The following RRM2 variants were observed in gnomAD, a reference collection of about 807,000 sequenced individuals.
The protein encoded by RRM2 is ribonucleotide reductase regulatory subunit M2.
In RRM2, 6 loss-of-function variants were observed where a neutral mutation model predicts 45.9. The observed-to-expected ratio is 0.13, with a 90% CI of 0.07 to 0.26. The LOEUF is 0.26. Ranked by LOEUF, RRM2 falls within the 10% of genes least tolerant of loss-of-function variation. The probability of loss-of-function intolerance (pLI) is 1.00; values close to 1 mark genes in which losing one functional copy is unlikely to be tolerated. For synonymous variants in RRM2, 177 were observed against 173.0 expected (o/e 1.02, Z -0.18); for missense variants, 343 against 489.5 (o/e 0.70, Z 2.82).
chr2:10,150,521 T>TC (rs1663285876), intron 3 of RRM2, among the ~76,000 whole-genome samples: 1 of 151,342 alleles, frequency 6.6e-6, no homozygotes, highest in South Asian at 2.1e-4. Context: ...TTTTTTTTTT[T>TC]CGACTTTATT....
chr2:10,128,983 G>A, intron 8 of RRM2, 31 bp downstream of exon 8: 2 of 1,609,628 alleles, frequency 1.2e-6, no homozygotes, highest in Non-Finnish European at 1.7e-6. Flanking sequence ...GGTCACTCAA[G>A]CTTGCTAGAA....
intron 3 of RRM2, among the ~76,000 whole-genome samples, chr2:10,189,849 GGC>G (rs1230372738): frequency 2.0e-5 from 3 of 152,238 alleles, no homozygotes; most frequent in Non-Finnish European, 2.9e-5. Flanking sequence ...TCCAGTTCCT[GGC>G]CCAGAGCCTG....
chr2:10,166,831 G>C (rs890097042), intron 3 of RRM2, among the ~76,000 whole-genome samples: 1 of 152,246 alleles, frequency 6.6e-6, no homozygotes, highest in African/African-American at 2.4e-5. Context: ...AAGCATGAGC[G>C]TGTCTAGATG....
intron 3 of RRM2, among the ~76,000 whole-genome samples, chr2:10,190,083 GT>G: frequency 6.6e-6 from 1 of 150,650 alleles, no homozygotes; most frequent in Non-Finnish European, 1.5e-5. Context: ...TATGATGGTG[GT>G]GGTGATGGTA....
rs1662853888 is a variant in RRM2, at chr2:10,129,528, C to T, written c.*142C>T. The stretch of plus-strand genomic sequence containing the variant: ...CATCTTTAAAACTGTGTAGCTACCT[C>T]ACAACCAGTCCTGTCTGTTTATAGT... On this transcript the variant is annotated 3_prime_UTR_variant, in exon 10 of 10. Transcript: ENST00000304567. The surrounding 1 kb of genome is among the most constrained non-coding windows in gnomAD (Gnocchi z 4.8). 1.3e-5 allele frequency: 11 copies of T among 854,706 alleles called. No individual in the cohort carries two copies. In the South Asian group the frequency reaches 1.7e-4, roughly 13 times the overall value. The allele number at this position is 854,706 out of a possible 1,614,324, so 52.9% of individuals were successfully genotyped here.
intron 3 of RRM2, among the ~76,000 whole-genome samples, chr2:10,186,822 C>A (rs1226328848): frequency 6.6e-6 from 1 of 152,234 alleles, no homozygotes; most frequent in African/African-American, 2.4e-5. Context: ...AGCCACTACC[C>A]CTCCCCTCAC....
chr2:10,136,086 G>A (rs375549434), downstream of RRM2, among the ~76,000 whole-genome samples: 70 of 152,274 alleles, frequency 4.6e-4, 1 homozygote, highest in South Asian at 0.011. Flanking sequence ...TACCGGATGT[G>A]AGAAGATGTT....
upstream of RRM2, among the ~76,000 whole-genome samples, chr2:10,139,445 A>G (rs1016648838): frequency 3.9e-5 from 6 of 152,234 alleles, no homozygotes; most frequent in African/African-American, 1.4e-4. Context: ...GCCACTTGGC[A>G]TTAAAAAGAG....
chr2:10,137,145 G>A (rs1244576928), upstream of RRM2, among the ~76,000 whole-genome samples: 4 of 152,302 alleles, frequency 2.6e-5, no homozygotes, highest in African/African-American at 7.2e-5. Context: ...AGCCACCGTG[G>A]GGCAGAGATG....
chr2:10,179,940 G>T (rs568218911), intron 3 of RRM2, among the ~76,000 whole-genome samples: 20 of 152,262 alleles, frequency 1.3e-4, no homozygotes, highest in African/African-American at 4.3e-4. Flanking sequence ...GCTTCCCTCT[G>T]TCTAATCCAG....
Position 10,183,077 on chromosome 2 carries a change from G to A in RRM2, n.483-27234G>A, listed in dbSNP as rs577934145. Among the ~76,000 whole-genome samples the A allele has an allele frequency of 4.6e-5, 7 of 152,258 alleles. No individual in the cohort carries two copies. In the South Asian group the frequency reaches 6.2e-4, roughly 14 times the overall value. The stretch of plus-strand genomic sequence containing the variant: ...ACCCAGCTACTTGGGAGGCTAAGGC[G>A]GGAGGATGGCTTGAGCCCTGGAATT... On this transcript the variant is annotated intron_variant and non_coding_transcript_variant, in intron 3 of 3. Coordinates refer to the RRM2 transcript ENST00000381786.
chr2:10,142,346 G>A (rs979500221), exon 3 of RRM2: 1 of 1,377,524 alleles, frequency 7.3e-7, no homozygotes, highest in Admixed American at 1.9e-5. Context: ...GGGTGCGCCA[G>A]TGGAAGCGGG....
upstream of RRM2, among the ~76,000 whole-genome samples, chr2:10,136,479 G>T (rs756197240): frequency 1.3e-5 from 2 of 152,150 alleles, no homozygotes; most frequent in Non-Finnish European, 2.9e-5. Flanking sequence ...ACCCCCTGTT[G>T]CCCTTTATCA....
chr2:10,157,020 T>TTTC (rs1283449004), intron 3 of RRM2, among the ~76,000 whole-genome samples: 1 of 133,016 alleles, frequency 7.5e-6, no homozygotes, highest in Non-Finnish European at 1.6e-5. Flanking sequence ...CCATTTCTTT[T>TTTC]TTTTTTTTTT....
intron 3 of RRM2, among the ~76,000 whole-genome samples, chr2:10,160,474 G>C (rs1663532914): frequency 6.6e-6 from 1 of 152,234 alleles, no homozygotes. Context: ...GGTGCCTACT[G>C]TGTGGAACCC....
chr2:10,186,731 GTGCTCAGCGAACTTA>G (rs1054239860), intron 3 of RRM2, among the ~76,000 whole-genome samples: 5 of 152,250 alleles, frequency 3.3e-5, no homozygotes, highest in African/African-American at 1.2e-4. Context: ...CACATAGTAA[GTGCTCAGCGAACTTA>G]CTTACCACTT....
In RRM2 at chr2:10,172,358, C is replaced by T. The variant is rs10177773; in HGVS notation, n.482+29983C>T. 0.16 allele frequency among the ~76,000 whole-genome samples: 23,876 copies of T among 151,980 alleles called. 2,281 individuals are homozygous for T. Among genetic ancestry groups the T allele is most frequent in the East Asian group, 0.5 (2,582 of 5,152 alleles). On this transcript the variant is annotated intron_variant and non_coding_transcript_variant, in intron 3 of 3. Coordinates refer to the RRM2 transcript ENST00000381786. This position sits in a 1 kb window ranked among gnomAD's most constrained non-coding sequence, Gnocchi z 4.9. ...CTGCTGCCTCCATCTGACCCTGCTC[C>T]GGAGGGACCAGGGGAGGGGCGGACG...
At chr2:10,141,209 C>T (rs911750562), upstream of RRM2, among the ~76,000 whole-genome samples, 2 of 152,112 alleles carry the variant, frequency 1.3e-5, no homozygotes, top group African/African-American at 4.8e-5. Flanking sequence ...AAACCGCTGG[C>T]TTGGAGCCCG....
rs369984386 is a variant in RRM2 at position 10,210,552 on chromosome 2, C to G, written n.724C>G. 7 of 1,366,618 alleles carry G rather than the reference C, an allele frequency of 5.1e-6. No individual in the cohort carries two copies. The East Asian group carries it at 2.7e-4, about 53-fold the overall frequency. The allele number at this position is 1,366,618 out of a possible 1,614,324, so 84.7% of individuals were successfully genotyped here. On this transcript the variant is annotated non_coding_transcript_exon_variant, in exon 4 of 4. Coordinates refer to the RRM2 transcript ENST00000381786. ...TTTCACTGGACTCCACACAGGCCTG[C>G]GGAGCAGGTGGACCCACCATTCTCA...
Sources: gnomAD v4.1 joint callset for allele counts (sites outside exome capture counted in the v4.1 genomes callset) on GRCh38, gnomAD v4.1.1 for gene constraint, Gnocchi (gnomAD v3.1) non-coding constraint, MANE v1.5 for transcripts, NCBI Gene and HGNC (gene_info 2026-07-23, HGNC 2026-07-21) for gene names.